CCDC170: variants seen among roughly 807,000 people sequenced by gnomAD.
CCDC170 encodes the protein coiled-coil domain containing 170, also known as coiled-coil domain-containing protein 170.
A neutral mutation model predicts 72.6 loss-of-function variants in CCDC170; 69 were observed. The observed-to-expected ratio is 0.95, with a 90% CI of 0.78 to 1.16. CCDC170 has a LOEUF of 1.16. CCDC170 is among the 50% of genes most tolerant of loss of function. The probability of loss-of-function intolerance (pLI) is 0.00; values close to 1 mark genes in which losing one functional copy is unlikely to be tolerated. For missense variants in CCDC170, 852 were observed against 832.5 expected (o/e 1.02, Z -0.29); for synonymous variants, 300 against 303.9 (o/e 0.99, Z 0.13).
Position 151,593,235 on chromosome 6 carries a change from T to A in CCDC170, c.1422T>A (p.Asn474Lys). The change falls in exon 8 of 11, where the codon AAT becomes AAA. Residue 474 changes from asparagine to lysine, a missense_variant. Transcript: ENST00000239374. ...RTEQLVRLES[N>K]AVIENKTIAH... ...AGCAGCTGGTTCGTCTTGAGAGCAA[T>A]GCAGTCATTGAGAACAAGACCATTG... 8.7e-6 allele frequency: 14 copies of A among 1,614,182 alleles called. No individual in the cohort carries two copies. The highest frequency in any genetic ancestry group is 1.2e-5 in the Non-Finnish European group (14 of 1,180,018).
At chr6:151,582,734 A>G (rs1172040133) in intron 6 of CCDC170, among the ~76,000 whole-genome samples, 2 of 152,048 alleles carry the variant, frequency 1.3e-5, no homozygotes, top group East Asian at 1.9e-4. Context: ...CAGGCATCAC[A>G]TGGCCAGAGA....
intron 1 of CCDC170, among the ~76,000 whole-genome samples, chr6:151,513,195 G>T (rs1479624214): frequency 6.6e-6 from 1 of 152,174 alleles, no homozygotes; most frequent in Non-Finnish European, 1.5e-5. Flanking sequence ...CATTTTAAAA[G>T]AACACTTGGG....
chr6:151,548,325 A>G lies in CCDC170; in HGVS notation c.610A>G (p.Asn204Asp). ...ILKLRDLRKE[N>D]EFVKGQIVIL... ...TCAGCTTAGAGACCTGCGCAAAGAAAATGAATTCGTGAAAGGACAAATTGT... is the reference window on the plus strand; with the variant it reads ...TCAGCTTAGAGACCTGCGCAAAGAAGATGAATTCGTGAAAGGACAAATTGT... The change falls in exon 5 of 11, where the codon AAT (asparagine) becomes GAT (aspartate). Residue 204 changes from asparagine (N) to aspartate (D), a missense_variant. Coordinates refer to ENST00000239374, the MANE Select transcript of CCDC170 (RefSeq NM_025059.4). The G allele has an allele frequency of 1.3e-6, 2 of 1,592,814 alleles. No homozygotes were observed. Among genetic ancestry groups the G allele is most frequent in the Non-Finnish European group, 1.7e-6 (2 of 1,169,168 alleles).
At chr6:151,507,371 T>C (rs1308547939) in intron 1 of CCDC170, among the ~76,000 whole-genome samples, 1 of 152,248 alleles carries the variant, frequency 6.6e-6, no homozygotes, top group South Asian at 2.1e-4. Context: ...CAACTTATGA[T>C]GGTTCAACTT....
At chr6:151,595,652 C>CA (rs1015533503) in intron 8 of CCDC170, among the ~76,000 whole-genome samples, 6 of 151,968 alleles carry the variant, frequency 3.9e-5, no homozygotes, top group Non-Finnish European at 2.9e-5. Flanking sequence ...CCTGTCTTTA[C>CA]AAAAAAATAC....
At chr6:151,575,529 T>TC (rs1297789874) in intron 6 of CCDC170, among the ~76,000 whole-genome samples, 24 of 109,852 alleles carry the variant, frequency 2.2e-4, no homozygotes, top group African/African-American at 7.8e-4. Context: ...TTCTTTCTTT[T>TC]TTTTTTTTTT....
intron 3 of CCDC170, among the ~76,000 whole-genome samples, chr6:151,539,202 A>C (rs1782641232): frequency 6.6e-6 from 1 of 152,048 alleles, no homozygotes; most frequent in South Asian, 2.1e-4. Context: ...TGGAGGCTGC[A>C]GTGAGCTGAG....
chr6:151,530,443 A>G (rs985956707), intron 1 of CCDC170, among the ~76,000 whole-genome samples: 7 of 149,426 alleles, frequency 4.7e-5, no homozygotes, highest in Admixed American at 1.3e-4. Flanking sequence ...AATAATAATA[A>G]TTATTATTAT....
chr6:151,494,098 G>C lies in CCDC170; in HGVS notation c.-31G>C. The C allele has an allele frequency of 2.7e-6, 4 of 1,490,622 alleles. No individual in the cohort carries two copies. The highest frequency in any genetic ancestry group is 3.5e-6 in the Non-Finnish European group (4 of 1,127,390). 92.3% of individuals were successfully genotyped at this position (1,490,622 alleles called of 1,614,324 possible). On this transcript the variant is annotated 5_prime_UTR_variant, in exon 1 of 11. Coordinates refer to ENST00000239374, the MANE Select transcript of CCDC170 (RefSeq NM_025059.4). ...CGCCGCTTCCTCAGGGCCGGTTCCG[G>C]GTCCGAGCGCGCCCCCGGGCTCGGG...
intron 1 of CCDC170, among the ~76,000 whole-genome samples, chr6:151,527,134 T>C (rs1782423734): frequency 6.8e-6 from 1 of 146,310 alleles, no homozygotes; most frequent in Non-Finnish European, 1.5e-5. Flanking sequence ...TGGCCTCAAG[T>C]GATCCACCTG....
chr6:151,587,244 A>G (rs1461950465), intron 7 of CCDC170, among the ~76,000 whole-genome samples: 1 of 152,134 alleles, frequency 6.6e-6, no homozygotes, highest in African/African-American at 2.4e-5. Context: ...GGAGACTGTC[A>G]GTGATCTTTG....
chr6:151,541,887 T>TA lies in CCDC170; in HGVS notation c.444-2685_444-2684insA, dbSNP rs973454951. 8.3e-3 allele frequency among the ~76,000 whole-genome samples: 493 copies of TA among 59,264 alleles called. 1 individual carries two copies. Among genetic ancestry groups the TA allele is most frequent in the East Asian group, 0.028 (36 of 1,272 alleles). 38.9% of individuals were successfully genotyped at this position (59,264 alleles called of 152,430 possible). ...ATAAATATATATATATATATATATA[T>TA]TTTTTTTTTTAAGACAGAGTCTTGC... On this transcript the variant is annotated intron_variant, in intron 3 of 10. Transcript: ENST00000239374.
At chr6:151,546,153 G>A (rs941422638) in intron 4 of CCDC170, among the ~76,000 whole-genome samples, 3 of 152,090 alleles carry the variant, frequency 2.0e-5, no homozygotes, top group South Asian at 2.1e-4. Context: ...TCTGAAAGCC[G>A]CAAGATGACT....
At chr6:151,560,188 T>C (rs1783054369) in intron 5 of CCDC170, among the ~76,000 whole-genome samples, 2 of 152,244 alleles carry the variant, frequency 1.3e-5, no homozygotes, top group Admixed American at 6.5e-5. Context: ...CAATGAATTT[T>C]TAAATCCTGC....
intron 7 of CCDC170, among the ~76,000 whole-genome samples, chr6:151,591,805 A>C (rs114936926): frequency 0.018 from 2,708 of 152,162 alleles, 74 homozygotes; most frequent in African/African-American, 0.062. Flanking sequence ...CTGCATTAAA[A>C]AATTTTAAAG....
chr6:151,534,682 A>T (rs543007497), intron 1 of CCDC170, among the ~76,000 whole-genome samples: 4 of 152,208 alleles, frequency 2.6e-5, no homozygotes, highest in Non-Finnish European at 4.4e-5. Context: ...TGATTGGCAA[A>T]CAGTAGCTAT....
intron 5 of CCDC170, among the ~76,000 whole-genome samples, chr6:151,569,371 G>T (rs1255890688): frequency 2.0e-5 from 3 of 152,158 alleles, no homozygotes; most frequent in Non-Finnish European, 4.4e-5. Flanking sequence ...TAATCATATT[G>T]TTTATTAAAG....
intron 9 of CCDC170, among the ~76,000 whole-genome samples, chr6:151,602,532 A>G (rs1776724164): frequency 2.0e-5 from 3 of 152,132 alleles, no homozygotes; most frequent in Non-Finnish European, 2.9e-5. Context: ...TGTAATCCCC[A>G]TGTATTGAGG....
rs186188560 is a variant in CCDC170 at position 151,496,241 on chromosome 6, T to C, written c.57+2056T>C. Among the ~76,000 whole-genome samples the C allele has an allele frequency of 4.5e-3, 681 of 152,328 alleles. 2 individuals carry two copies. Among genetic ancestry groups the C allele is most frequent in the Non-Finnish European group, 7.0e-3 (477 of 68,022 alleles). The stretch of plus-strand genomic sequence containing the variant: ...ATCAGGAGGGGCATATATCAGCTTA[T>C]CCCATTATTGGTGATGTCCCCAGCT... On this transcript the variant is annotated intron_variant, in intron 1 of 10. Coordinates refer to ENST00000239374, the MANE Select transcript of CCDC170 (RefSeq NM_025059.4).
Sources: allele counts gnomAD v4.1 joint callset (sites outside exome capture counted in the v4.1 genomes callset), GRCh38; gene constraint gnomAD v4.1.1; transcripts MANE v1.5; gene names NCBI Gene and HGNC (gene_info 2026-07-23, HGNC 2026-07-21).